Variants in ADGRV1 observed in about 807,000 individuals in gnomAD.
ADGRV1 encodes the protein adhesion G protein-coupled receptor V1.
In ADGRV1, 359 loss-of-function variants were observed where a neutral mutation model predicts 596.2. That is an observed-to-expected ratio of 0.60 (90% CI 0.55 to 0.66). The LOEUF is 0.66. Among genes scored for constraint, ADGRV1 ranks in the 30% least tolerant of loss-of-function variants. The pLI is 0.00. For missense variants in ADGRV1, 7,274 were observed against 7,575.6 expected, an observed-to-expected ratio of 0.96 and a Z score of 1.48; for synonymous variants, 2,681 against 2,679.2, an observed-to-expected ratio of 1.00 and a Z score of -0.02.
intron 77 of ADGRV1, among the ~76,000 whole-genome samples, chr5:90,839,501 A>G (rs1323377368): frequency 6.6e-6 from 1 of 152,086 alleles, no homozygotes; most frequent in Non-Finnish European, 1.5e-5. Context: ...GGTGTGAGTC[A>G]CCACACCCAG....
intron 85 of ADGRV1, among the ~76,000 whole-genome samples, chr5:91,050,520 G>A (rs909784755): frequency 2.6e-5 from 4 of 152,130 alleles, no homozygotes; most frequent in Non-Finnish European, 4.4e-5. Flanking sequence ...AGGTATCTGT[G>A]TTGGATTCTG....
chr5:90,694,594 CAG>C lies in ADGRV1; in HGVS notation c.7839_7840del (p.Gly2615GlnfsTer18), dbSNP rs1484421868. The C allele has an allele frequency of 1.2e-6, 2 of 1,613,722 alleles. No homozygotes were observed. The highest frequency in any genetic ancestry group is 2.7e-5 in the African/African-American group (2 of 74,896). ...TTGGTGGAGCTGATGATACACAGGA[CAG>C]GGGGCAGCTTAGGTCAAGTGGCAGT... On this transcript the variant is annotated frameshift_variant, in exon 33 of 90. Transcript: ENST00000405460. LOFTEE classifies it high-confidence loss of function.
At chr5:90,628,947 G>T in intron 8 of ADGRV1, 115 bp downstream of exon 8, 1 of 962,194 alleles carries the variant, frequency 1.0e-6, no homozygotes, top group Non-Finnish European at 1.5e-6. Flanking sequence ...GAAAAACACT[G>T]GCTTTGCAAA....
intron 85 of ADGRV1, among the ~76,000 whole-genome samples, chr5:90,996,846 A>T (rs1781461967): frequency 6.6e-6 from 1 of 152,090 alleles, no homozygotes; most frequent in Non-Finnish European, 1.5e-5. Flanking sequence ...ATCAAAAGAG[A>T]TTATTTTGGA....
intron 83 of ADGRV1, among the ~76,000 whole-genome samples, chr5:90,886,411 A>C (rs1441233657): frequency 6.6e-6 from 1 of 152,136 alleles, no homozygotes; most frequent in Non-Finnish European, 1.5e-5. Flanking sequence ...GGGATGAGAC[A>C]TGCCTGGAGA....
chr5:90,958,309 G>GAAAAAGGGA (rs1554174411), intron 83 of ADGRV1, among the ~76,000 whole-genome samples: 2 of 134,590 alleles, frequency 1.5e-5, no homozygotes, highest in African/African-American at 5.4e-5. Context: ...AAAAAGAAAA[G>GAAAAAGGGA]AAAAGAAAAA....
At chr5:90,681,969 C>T (rs1033309743) in intron 27 of ADGRV1, among the ~76,000 whole-genome samples, 16 of 151,898 alleles carry the variant, frequency 1.1e-4, no homozygotes, top group African/African-American at 1.9e-4. Flanking sequence ...TGGGTTCAAG[C>T]GATTCTCCTG....
At chr5:90,572,786 G>T (rs1756709819) in intron 1 of ADGRV1, among the ~76,000 whole-genome samples, 1 of 152,170 alleles carries the variant, frequency 6.6e-6, no homozygotes, top group African/African-American at 2.4e-5. Context: ...AAAAGGGAAG[G>T]ATCTCCTGTA....
At chr5:90,911,694 G>A (rs1476376809) in intron 83 of ADGRV1, among the ~76,000 whole-genome samples, 1 of 151,986 alleles carries the variant, frequency 6.6e-6, no homozygotes, top group African/African-American at 2.4e-5. Flanking sequence ...TAATAAAATT[G>A]GGTTAAATTG....
intron 67 of ADGRV1, among the ~76,000 whole-genome samples, chr5:90,786,530 A>T (rs77079974): frequency 0.037 from 5,603 of 152,278 alleles, 357 homozygotes; most frequent in African/African-American, 0.13. Context: ...GGATTCAAGA[A>T]GCTGGTGGGG....
chr5:90,677,960 C>T (rs1744455571), intron 25 of ADGRV1, among the ~76,000 whole-genome samples: 1 of 152,184 alleles, frequency 6.6e-6, no homozygotes, highest in Non-Finnish European at 1.5e-5. Flanking sequence ...ACTGATGAAA[C>T]TGATGATTCT....
chr5:90,909,090 C>A (rs912371084), intron 83 of ADGRV1, among the ~76,000 whole-genome samples: 2 of 152,140 alleles, frequency 1.3e-5, no homozygotes, highest in Non-Finnish European at 2.9e-5. Context: ...TTTCTCTGGA[C>A]AGTGTTCTTT....
At chr5:90,738,136 C>T (rs1029101177) in intron 50 of ADGRV1, among the ~76,000 whole-genome samples, 1 of 152,060 alleles carries the variant, frequency 6.6e-6, no homozygotes, top group African/African-American at 2.4e-5. Flanking sequence ...TTACATAAAA[C>T]ATCTTGTACT....
chr5:91,030,861 T>G, intron 85 of ADGRV1: 1 of 435,130 alleles, frequency 2.3e-6, no homozygotes. Flanking sequence ...CCTAATTACA[T>G]GTTTTTGAAA....
rs372964122 is a variant in ADGRV1, at chr5:90,619,870, C to A, written c.453+689C>A. 3.3e-5 allele frequency among the ~76,000 whole-genome samples: 5 copies of A among 150,816 alleles called. No individual in the cohort carries two copies. In the East Asian group the frequency reaches 9.8e-4, roughly 30 times the overall value. On this transcript the variant is annotated intron_variant, in intron 4 of 89. Transcript: ENST00000405460. ...TGCGGTGTTTGGTTTTTTGTCCTTG[C>A]GATAGTTTGCTGAGAATGATGGTTT...
chr5:90,746,990 G>A (rs1354017961), intron 52 of ADGRV1, among the ~76,000 whole-genome samples: 1 of 152,172 alleles, frequency 6.6e-6, no homozygotes, highest in Non-Finnish European at 1.5e-5. Context: ...AAGAAAATAT[G>A]TACTATATCT....
chr5:90,716,518 A>G lies in ADGRV1; in HGVS notation c.9236A>G (p.Asn3079Ser). The G allele has an allele frequency of 1.2e-6, 2 of 1,611,252 alleles. No homozygotes were observed. Among genetic ancestry groups the G allele is most frequent in the Non-Finnish European group, 1.7e-6 (2 of 1,178,288 alleles). The change falls in exon 43 of 90, where the codon AAC becomes AGC. Residue 3079 changes from asparagine to serine, a missense_variant. Around this residue, in one of 5 missense-constraint regions of ADGRV1, gnomAD observed 3,643 missense variants for 3,809.2 expected, o/e 0.96. Coordinates refer to ENST00000405460, the MANE Select transcript of ADGRV1 (RefSeq NM_032119.4). Reference protein sequence around the residue: ...NDDGPGVLSFNNSEHFFLREP... With the variant: ...NDDGPGVLSFSNSEHFFLREP... ...GACGGCCCTGGAGTTCTATCATTTA[A>G]CAACAGTGAGCACTTTTTCCTAAGA...
intron 78 of ADGRV1, among the ~76,000 whole-genome samples, 194 bp downstream of exon 78, chr5:90,841,179 G>A (rs1226771717): frequency 6.6e-6 from 1 of 152,000 alleles, no homozygotes; most frequent in Non-Finnish European, 1.5e-5. Flanking sequence ...ATGCCTCTTT[G>A]GAAATCTCAG....
At chr5:91,007,971 A>G (rs1782416822) in intron 85 of ADGRV1, among the ~76,000 whole-genome samples, 1 of 151,976 alleles carries the variant, frequency 6.6e-6, no homozygotes, top group Non-Finnish European at 1.5e-5. Flanking sequence ...TTCAAGGTCT[A>G]GTTCAAAGGT....
Sources: allele counts gnomAD v4.1 joint callset (sites outside exome capture counted in the v4.1 genomes callset), GRCh38; gene constraint gnomAD v4.1.1; regional missense constraint gnomAD v4.1.1; transcripts MANE v1.5; gene names NCBI Gene and HGNC (gene_info 2026-07-23, HGNC 2026-07-21).